The following OTOG variants were observed in gnomAD, a reference collection of about 807,000 sequenced individuals.
OTOG encodes the protein otogelin.
A neutral mutation model predicts 313.8 loss-of-function variants in OTOG; 296 were observed. The observed-to-expected ratio is 0.94, with a 90% CI of 0.86 to 1.04. The LOEUF (loss-of-function observed/expected upper bound fraction) is 1.04. Ranked by LOEUF, OTOG falls within the 50% of genes least tolerant of loss-of-function variation. OTOG has a pLI of 0.00. For synonymous variants in OTOG, 1,533 were observed against 1,554.9 expected (o/e 0.99, Z 0.33); for missense variants, 3,948 against 3,840.1 (o/e 1.03, Z -0.74).
In OTOG at chr11:17,572,080, G is replaced by T. The variant is rs1409500847; in HGVS notation, c.1956G>T (p.Leu652=). The T allele has an allele frequency of 3.9e-6, 6 of 1,550,408 alleles. No homozygotes were observed. The highest frequency in any genetic ancestry group is 8.7e-7 in the Non-Finnish European group (1 of 1,146,932). The change falls in exon 18 of 56, where the codon CTG becomes CTT. Residue 652 remains leucine (L), a splice_region_variant and synonymous_variant. Transcript: ENST00000399397. The part of the protein sequence containing the change: ...TFNGNTQDDF[L]SPVGVPESTP... ...GAATATGGCTGTGACATGGCTGCAG[G>T]TCTCCAGTGGGTGTACCTGAGAGCA...
At chr11:17,624,589 T>C (rs1853939946) in intron 39 of OTOG, among the ~76,000 whole-genome samples, 1 of 152,236 alleles carries the variant, frequency 6.6e-6, no homozygotes, top group Admixed American at 6.5e-5. Context: ...AGTAGCATGA[T>C]GCCTCCAGCT....
intron 46 of OTOG, 31 bp downstream of exon 46, chr11:17,635,218 A>T (rs1420615392): frequency 6.6e-7 from 1 of 1,508,216 alleles, no homozygotes; most frequent in African/African-American, 1.4e-5. Flanking sequence ...GCCAGCGCAC[A>T]CAGCCTGATC....
At position 17,610,826 on chromosome 11, in the gene OTOG, T is replaced by C; in HGVS notation, c.5526T>C (p.Ala1842=). ...PLQPQATTLP[A]QTLSPVLPFT... ...AGCCACAGGCCACGACTCTGCCTGC[T>C]CAGACACTTAGCCCAGTACTGCCTT... Residue 1842 remains alanine (A), a synonymous_variant, in exon 36 of 56, where the codon GCT becomes GCC. Transcript: ENST00000399397. 1 of 1,550,878 alleles carries C rather than the reference T, an allele frequency of 6.4e-7. No individual in the cohort carries two copies.
Position 17,611,170 on chromosome 11 carries a change from C to T in OTOG, c.5870C>T (p.Ala1957Val), listed in dbSNP as rs923379039. 1 of 1,550,566 alleles carries T rather than the reference C, an allele frequency of 6.4e-7. No homozygotes were observed. Among genetic ancestry groups the T allele is most frequent in the Non-Finnish European group, 8.7e-7 (1 of 1,147,010 alleles). The change falls in exon 36 of 56, where the codon GCT becomes GTT. Residue 1957 changes from alanine to valine, a missense_variant. Ala to Val is a moderately conservative substitution (Grantham distance 64). Coordinates refer to ENST00000399397, the MANE Select transcript of OTOG (RefSeq NM_001292063.2). ...AEPEGAQAGT[A>V]LPVPTSYALS... ...CCCGAGGGAGCCCAGGCAGGCACAG[C>T]TCTGCCAGTGCCCACATCCTATGCC...
In OTOG at chr11:17,559,660, A is replaced by G. The variant is rs115772736; in HGVS notation, c.1340A>G (p.Asn447Ser). 689 of 1,550,190 alleles carry G rather than the reference A, an allele frequency of 4.4e-4. 2 individuals carry two copies. In the African/African-American group the frequency reaches 7.9e-3, roughly 18 times the overall value. The change falls in exon 12 of 56, where the codon AAT becomes AGT. Residue 447 changes from asparagine (N) to serine (S), a missense_variant and splice_region_variant. Asn to Ser is a conservative substitution (Grantham distance 46). Coordinates refer to ENST00000399397, the MANE Select transcript of OTOG (RefSeq NM_001292063.2). ...IACVDGCYCP[N>S]GLIFEDGGCV... ...TGTGTGGACGGCTGCTATTGCCCCA[A>G]TGGTATGCTAGGGGCAGACGTAGGT...
At chr11:17,612,869 G>A (rs1853596868) in intron 38 of OTOG, 104 bp downstream of exon 38, 1 of 1,351,440 alleles carries the variant, frequency 7.4e-7, no homozygotes, top group Non-Finnish European at 9.9e-7. Flanking sequence ...AGACAGATGT[G>A]GAAGCCCCCC....
intron 39 of OTOG, among the ~76,000 whole-genome samples, chr11:17,615,137 T>C (rs1399658365): frequency 2.0e-5 from 3 of 152,246 alleles, no homozygotes; most frequent in Admixed American, 6.5e-5. Flanking sequence ...CATCTTTCCA[T>C]GGGTTTATTT....
chr11:17,629,361 C>T, intron 40 of OTOG, 45 bp downstream of exon 40: 2 of 1,503,282 alleles, frequency 1.3e-6, no homozygotes, highest in South Asian at 1.3e-5. Flanking sequence ...TTCCCAGGTC[C>T]ACCTCTGCCC....
chr11:17,583,958 C>G (rs1182816487), intron 23 of OTOG, among the ~76,000 whole-genome samples: 1 of 152,056 alleles, frequency 6.6e-6, no homozygotes, highest in Non-Finnish European at 1.5e-5. Context: ...GTATTATTTT[C>G]TTATTTATTG....
intron 39 of OTOG, among the ~76,000 whole-genome samples, chr11:17,624,195 T>A (rs1853928880): frequency 6.6e-6 from 1 of 152,214 alleles, no homozygotes. Flanking sequence ...TTGTTGCAAT[T>A]TCTTTTGGTA....
At chr11:17,570,052 C>T (rs2134022191) in intron 16 of OTOG, among the ~76,000 whole-genome samples, 161 bp from the exon 17 acceptor site, 1 of 152,332 alleles carries the variant, frequency 6.6e-6, no homozygotes, top group East Asian at 1.9e-4. Context: ...TTCCTCAAGC[C>T]TCCCCATACC....
At chr11:17,638,661 C>A in intron 48 of OTOG, 112 bp downstream of exon 48, 5 of 1,485,962 alleles carry the variant, frequency 3.4e-6, no homozygotes, top group Non-Finnish European at 4.6e-6. Context: ...CTGTCCCCTG[C>A]AGGGTCTCTA....
At position 17,594,152 on chromosome 11, in the gene OTOG, TG is replaced by T. The variant is rs2134062207; in HGVS notation, c.3397del (p.Ala1133LeufsTer17). The T allele has an allele frequency of 1.3e-6, 2 of 1,550,592 alleles. No individual in the cohort carries two copies. Among genetic ancestry groups the T allele is most frequent in the East Asian group, 4.9e-5 (2 of 40,916 alleles). On this transcript the variant is annotated frameshift_variant, in exon 28 of 56. Coordinates refer to ENST00000399397, the MANE Select transcript of OTOG (RefSeq NM_001292063.2). LOFTEE classifies it high-confidence loss of function. ...TAACCCCCAGGAGTTTGGCAGCAGT[TG>T]GGCTGCAGTTGAGGTAAAGCCTCTC... ...LTNPQEFGSS[W>X]AAVECPDTLD...
intron 46 of OTOG, 133 bp from the exon 47 acceptor site, chr11:17,635,477 A>T (rs143451374): frequency 2.8e-6 from 2 of 708,548 alleles, no homozygotes; most frequent in Non-Finnish European, 4.9e-6. Context: ...ATCACGTGAG[A>T]CCATGCGATG....
Position 17,613,653 on chromosome 11 carries a change from C to A in OTOG, c.6480C>A (p.Asn2160Lys), listed in dbSNP as rs1170334485. The A allele has an allele frequency of 6.4e-7, 1 of 1,550,800 alleles. No homozygotes were observed. The highest frequency in any genetic ancestry group is 8.7e-7 in the Non-Finnish European group (1 of 1,147,062). ...NWPPFCLVML[N>K]MTHLAHQVTI... is the part of the protein sequence containing the mutation. ...CCCCGTTCTGTCTGGTGATGTTGAA[C>A]ATGACTCACTTGGCCCATCAGGTCA... The change falls in exon 39 of 56, where the codon AAC becomes AAA. Residue 2160 changes from asparagine (N) to lysine (K), a missense_variant. By Grantham distance (94) the Asn-to-Lys change is moderately conservative. Transcript: ENST00000399397.
chr11:17,563,290 C>T lies in OTOG; in HGVS notation c.1644+1483C>T, dbSNP rs574187443. ...TGTGCATCAGAGCAGGAGCTCACAC[C>T]CACAGCCAGGGCAGCTGCCCCACAG... On this transcript the variant is annotated intron_variant, in intron 15 of 55. Coordinates refer to ENST00000399397, the MANE Select transcript of OTOG (RefSeq NM_001292063.2). 3.1e-3 allele frequency among the ~76,000 whole-genome samples: 467 copies of T among 152,300 alleles called. 2 individuals carry two copies. The highest frequency in any genetic ancestry group is 5.0e-3 in the Non-Finnish European group (339 of 68,026).
chr11:17,552,080 G>T lies in OTOG; in HGVS notation c.292+5G>T. 3 of 1,550,366 alleles carry T rather than the reference G, an allele frequency of 1.9e-6. No homozygotes were observed. The highest frequency in any genetic ancestry group is 2.6e-6 in the Non-Finnish European group (3 of 1,146,748). On this transcript the variant is annotated splice_donor_5th_base_variant and intron_variant, in intron 4 of 55. Coordinates refer to ENST00000399397, the MANE Select transcript of OTOG (RefSeq NM_001292063.2). The stretch of plus-strand genomic sequence containing the variant: ...GGGCCAAGTGTGCACCATCCTGTAA[G>T]TGGCACCTTCACTGTGGTCCATGGG...
Position 17,561,121 on chromosome 11 carries a change from C to T in OTOG, c.1482C>T (p.Ser494=). 1 of 1,550,596 alleles carries T rather than the reference C, an allele frequency of 6.4e-7. No homozygotes were observed. The highest frequency in any genetic ancestry group is 1.4e-5 in the African/African-American group (1 of 73,182). Residue 494 remains serine, a synonymous_variant, in exon 14 of 56, where the codon AGC becomes AGT. Transcript: ENST00000399397. ...GCACCTCAGGCAAGTGGGAGTGCAG[C>T]ACAGCTGTCTGCCCAGGTATGTCTG... ...CTCTSGKWEC[S]TAVCPAECSV... is the part of the protein sequence containing the mutation.
At chr11:17,640,264 G>A (rs556070004) in intron 49 of OTOG, among the ~76,000 whole-genome samples, 1 of 152,288 alleles carries the variant, frequency 6.6e-6, no homozygotes, top group South Asian at 2.1e-4. Context: ...CATGAAGCTA[G>A]TATATCATGG....
Sources: gnomAD v4.1 joint callset for allele counts (sites outside exome capture counted in the v4.1 genomes callset) on GRCh38, gnomAD v4.1.1 for gene constraint, MANE v1.5 for transcripts, NCBI Gene and HGNC (gene_info 2026-07-23, HGNC 2026-07-21) for gene names.